The following PDSS2 variants were observed in gnomAD, a reference collection of about 807,000 sequenced individuals.
PDSS2 encodes the protein decaprenyl diphosphate synthase subunit 2.
PDSS2 carries 31 observed loss-of-function variants against 44.5 expected under a neutral mutation model. The observed-to-expected ratio is 0.70, with a 90% confidence interval of 0.52 to 0.94. The LOEUF (loss-of-function observed/expected upper bound fraction) is 0.94. Among genes scored for constraint, PDSS2 ranks in the 40% least tolerant of loss-of-function variants. The pLI, the probability that PDSS2 is intolerant of heterozygous loss-of-function variation, is 0.00. For synonymous variants in PDSS2, 157 were observed against 180.3 expected (o/e 0.87, Z 1.03); for missense variants, 452 against 482.2 (o/e 0.94, Z 0.59).
intron 3 of PDSS2, chr6:107,264,558 C>G (rs1463618085): frequency 8.7e-7 from 1 of 1,142,882 alleles, no homozygotes; most frequent in Non-Finnish European, 1.3e-6. Context: ...TCTTTAAATA[C>G]TAGGCTTATC....
chr6:107,412,864 C>T (rs923913803), intron 1 of PDSS2, among the ~76,000 whole-genome samples: 2 of 152,158 alleles, frequency 1.3e-5, no homozygotes, highest in Admixed American at 1.3e-4. Context: ...CTAATGTTCT[C>T]TTTTTCCAGG....
At chr6:107,437,082 C>T (rs1322838366) in intron 1 of PDSS2, among the ~76,000 whole-genome samples, 1 of 152,032 alleles carries the variant, frequency 6.6e-6, no homozygotes, top group Admixed American at 6.5e-5. Flanking sequence ...TCACTGCACC[C>T]TTCAACTCCT....
chr6:107,158,192 T>C (rs1770980013), intron 7 of PDSS2, among the ~76,000 whole-genome samples: 1 of 150,892 alleles, frequency 6.6e-6, no homozygotes, highest in Non-Finnish European at 1.5e-5. Flanking sequence ...CTTTCTTTTT[T>C]TTTTTTTTTT....
At chr6:107,442,850 G>A (rs1370155172) in intron 1 of PDSS2, among the ~76,000 whole-genome samples, 1 of 152,142 alleles carries the variant, frequency 6.6e-6, no homozygotes, top group East Asian at 1.9e-4. Flanking sequence ...TACTGCCTAA[G>A]TTTATAACTC....
intron 1 of PDSS2, among the ~76,000 whole-genome samples, chr6:107,429,747 G>A (rs1211558957): frequency 1.3e-5 from 2 of 151,186 alleles, no homozygotes; most frequent in Admixed American, 6.6e-5. Context: ...AGCTGGGCGT[G>A]GTGGTGCATG....
intron 1 of PDSS2, among the ~76,000 whole-genome samples, chr6:107,397,455 T>C (rs1779984942): frequency 6.6e-6 from 1 of 152,220 alleles, no homozygotes; most frequent in South Asian, 2.1e-4. Context: ...TATTAACTTT[T>C]GACCTGTGAG....
At chr6:107,306,084 C>T (rs1240235973) in intron 2 of PDSS2, among the ~76,000 whole-genome samples, 2 of 152,180 alleles carry the variant, frequency 1.3e-5, no homozygotes, top group Non-Finnish European at 2.9e-5. Context: ...ATATGGGTGA[C>T]AGAAGTACAA....
chr6:107,240,276 G>A (rs1774373687), intron 4 of PDSS2, among the ~76,000 whole-genome samples: 1 of 152,088 alleles, frequency 6.6e-6, no homozygotes, highest in Non-Finnish European at 1.5e-5. Flanking sequence ...AGGTGTGGTG[G>A]TAGGCTACTG....
intron 1 of PDSS2, among the ~76,000 whole-genome samples, chr6:107,380,947 G>A (rs765743322): frequency 3.3e-5 from 5 of 152,074 alleles, no homozygotes; most frequent in Admixed American, 6.6e-5. Context: ...TTAATAATCC[G>A]AATTGAAGAA....
intron 2 of PDSS2, among the ~76,000 whole-genome samples, chr6:107,290,061 C>T (rs991588305): frequency 6.6e-6 from 1 of 152,182 alleles, no homozygotes. Context: ...AGGCACCATG[C>T]CTGGTCCTAT....
chr6:107,380,556 G>A (rs1779425847), intron 1 of PDSS2, among the ~76,000 whole-genome samples: 1 of 152,138 alleles, frequency 6.6e-6, no homozygotes, highest in Admixed American at 6.5e-5. Flanking sequence ...AAAGGTGGTA[G>A]TATCCAGCCT....
chr6:107,406,069 TAAAAC>T (rs1398984767), intron 1 of PDSS2, among the ~76,000 whole-genome samples: 1 of 152,128 alleles, frequency 6.6e-6, no homozygotes, highest in Admixed American at 6.5e-5. Flanking sequence ...TAAAATTTAA[TAAAAC>T]AAAATCAGTA....
chr6:107,156,781 A>T (rs4946822), intron 7 of PDSS2, among the ~76,000 whole-genome samples: 107,024 of 152,060 alleles, frequency 0.7, 38,929 homozygotes, highest in Non-Finnish European at 0.81. Context: ...GACTGTAATG[A>T]GCACCACAGT....
intron 1 of PDSS2, among the ~76,000 whole-genome samples, chr6:107,451,340 T>C (rs548913111): frequency 6.6e-6 from 1 of 152,232 alleles, no homozygotes; most frequent in South Asian, 2.1e-4. Flanking sequence ...TTGTCTGTCA[T>C]AATGTAAAAG....
intron 2 of PDSS2, among the ~76,000 whole-genome samples, chr6:107,307,441 A>G (rs1475429720): frequency 1.3e-5 from 2 of 152,178 alleles, no homozygotes; most frequent in African/African-American, 2.4e-5. Context: ...CATTCAAATC[A>G]GAGTACGCAT....
intron 1 of PDSS2, among the ~76,000 whole-genome samples, chr6:107,367,802 C>CA (rs58861327): frequency 0.65 from 66,480 of 101,598 alleles, 22,507 homozygotes; most frequent in Middle Eastern, 0.86. Flanking sequence ...AACTCTGTCT[C>CA]AAAAAAAAAA....
At chr6:107,245,418 CAAAAAAAAAAAAAA>C (rs35614951) in intron 4 of PDSS2, 116 bp downstream of exon 4, 5 of 120,346 alleles carry the variant, frequency 4.2e-5, no homozygotes, top group Middle Eastern at 3.6e-3. Flanking sequence ...AAACACTAAT[CAAAAAAAAAAAAAA>C]AAAAAAAAAA....
intron 1 of PDSS2, among the ~76,000 whole-genome samples, chr6:107,346,740 A>G (rs1386461559): frequency 6.6e-6 from 1 of 152,250 alleles, no homozygotes; most frequent in Non-Finnish European, 1.5e-5. Context: ...CAGAATTAAA[A>G]TATGAAAAGT....
chr6:107,378,339 T>G (rs2114443067), intron 1 of PDSS2, among the ~76,000 whole-genome samples: 1 of 152,030 alleles, frequency 6.6e-6, no homozygotes, highest in Middle Eastern at 3.4e-3. Context: ...ACAAATGTCA[T>G]GATTATCTAT....
Sources: allele counts gnomAD v4.1 joint callset (sites outside exome capture counted in the v4.1 genomes callset), GRCh38; gene constraint gnomAD v4.1.1; transcripts MANE v1.5; gene names NCBI Gene and HGNC (gene_info 2026-07-23, HGNC 2026-07-21).